The following ERC2 variants were observed in gnomAD, a reference collection of about 807,000 sequenced individuals.
ERC2 encodes the protein ELKS/RAB6-interacting/CAST family member 2, also known as ERC protein 2.
ERC2 carries 42 observed loss-of-function variants against 114.8 expected under a neutral mutation model. The ratio of observed to expected loss-of-function variants is 0.37; its 90% confidence interval spans 0.29 to 0.47. The LOEUF is 0.47. Ranked by LOEUF, ERC2 falls within the 20% of genes least tolerant of loss-of-function variation. ERC2 has a pLI of 0.99. For missense variants in ERC2, 939 were observed against 1,150.7 expected (o/e 0.82, Z 2.66); for synonymous variants, 454 against 425.5 (o/e 1.07, Z -0.82).
intron 17 of ERC2, among the ~76,000 whole-genome samples, chr3:55,563,776 GATAGAC>G (rs1173210994): frequency 6.6e-6 from 1 of 152,044 alleles, no homozygotes; most frequent in African/African-American, 2.4e-5. Context: ...AAGATAGAGA[GATAGAC>G]AGAGACAGAG....
intron 15 of ERC2, among the ~76,000 whole-genome samples, chr3:55,703,524 G>T (rs1049252078): frequency 6.6e-6 from 1 of 152,202 alleles, no homozygotes; most frequent in Admixed American, 6.5e-5. Flanking sequence ...GAACTTATCT[G>T]AACCAATGGT....
intron 16 of ERC2, among the ~76,000 whole-genome samples, chr3:55,684,062 T>C (rs2062200335): frequency 6.6e-6 from 1 of 152,150 alleles, no homozygotes; most frequent in South Asian, 2.1e-4. Context: ...GGGTTTTGTA[T>C]CTATGGCAAC....
At chr3:55,997,594 C>T (rs2071622501) in intron 10 of ERC2, among the ~76,000 whole-genome samples, 1 of 148,684 alleles carries the variant, frequency 6.7e-6, no homozygotes, top group African/African-American at 2.4e-5. Context: ...ATGAAACATA[C>T]ATATTATTGT....
intron 17 of ERC2, among the ~76,000 whole-genome samples, chr3:55,535,319 G>C (rs1232660511): frequency 6.6e-6 from 1 of 152,172 alleles, no homozygotes; most frequent in East Asian, 1.9e-4. Flanking sequence ...CAACTTGCTG[G>C]AATTCCACTG....
chr3:55,720,176 T>C (rs868816093), intron 15 of ERC2, among the ~76,000 whole-genome samples: 1 of 1,944 alleles, frequency 5.1e-4, no homozygotes, highest in African/African-American at 2.4e-3. Context: ...CTTCTTCTTC[T>C]TCTTCTTCTT....
chr3:56,319,132 T>G (rs1576415698), intron 2 of ERC2, among the ~76,000 whole-genome samples: 1 of 152,190 alleles, frequency 6.6e-6, no homozygotes, highest in East Asian at 1.9e-4. Flanking sequence ...ACAATCCTAC[T>G]CTGGGTATTT....
chr3:55,551,207 A>C (rs2107419255), intron 17 of ERC2, among the ~76,000 whole-genome samples: 1 of 151,882 alleles, frequency 6.6e-6, no homozygotes, highest in African/African-American at 2.4e-5. Flanking sequence ...TATATATATT[A>C]TGGAGGGAGA....
chr3:55,667,751 T>G (rs541694606), intron 17 of ERC2, among the ~76,000 whole-genome samples: 1 of 152,352 alleles, frequency 6.6e-6, no homozygotes, highest in South Asian at 2.1e-4. Context: ...ATTAGTTACA[T>G]GTTAAAGAGA....
rs1221873589 is a variant in ERC2 at position 55,892,165 on chromosome 3, ATTC to A, written c.2404-3619_2404-3617del. 2.6e-5 allele frequency among the ~76,000 whole-genome samples: 4 copies of A among 152,354 alleles called. No homozygotes were observed. In the South Asian group the frequency reaches 6.2e-4, roughly 24 times the overall value. Reference sequence around the variant, plus strand: ...AGATGATGTAGCCCATAAGGCATTTATTCTTCTTCTTCTGATATCAAGAAATTA... The same window carrying A: ...AGATGATGTAGCCCATAAGGCATTTATTCTTCTTCTGATATCAAGAAATTA... On this transcript the variant is annotated intron_variant, in intron 13 of 17. Coordinates refer to ENST00000288221, the MANE Select transcript of ERC2 (RefSeq NM_015576.3).
intron 2 of ERC2, among the ~76,000 whole-genome samples, chr3:56,375,414 C>T (rs1373723230): frequency 6.6e-6 from 1 of 152,176 alleles, no homozygotes; most frequent in Admixed American, 6.5e-5. Flanking sequence ...ACACTGGTGG[C>T]TAGAGAAGAG....
intron 2 of ERC2, among the ~76,000 whole-genome samples, chr3:56,402,649 C>A (rs1412280437): frequency 6.6e-6 from 1 of 152,196 alleles, no homozygotes; most frequent in African/African-American, 2.4e-5. Flanking sequence ...CATATGATAG[C>A]TGAAACTTCG....
At chr3:56,130,920 T>A (rs1256259191) in intron 6 of ERC2, among the ~76,000 whole-genome samples, 5 of 152,202 alleles carry the variant, frequency 3.3e-5, no homozygotes, top group South Asian at 4.1e-4. Context: ...AAGCCTGACC[T>A]TGCCTCATTT....
intron 17 of ERC2, among the ~76,000 whole-genome samples, chr3:55,675,766 G>A (rs1213464616): frequency 1.3e-5 from 2 of 151,794 alleles, no homozygotes. Context: ...AATACCTTCT[G>A]GTCTCCCTGA....
chr3:55,766,744 G>A (rs1354318887), intron 14 of ERC2: 2 of 152,248 alleles, frequency 1.3e-5, no homozygotes, highest in Admixed American at 1.3e-4. Flanking sequence ...GGAACACTGA[G>A]ATGCAGTTAT....
chr3:55,988,392 G>C (rs2070799116), intron 11 of ERC2, among the ~76,000 whole-genome samples: 1 of 152,136 alleles, frequency 6.6e-6, no homozygotes, highest in Admixed American at 6.5e-5. Flanking sequence ...ACTGCACGTG[G>C]GACCACACTA....
intron 7 of ERC2, among the ~76,000 whole-genome samples, chr3:56,060,568 C>T (rs1388799879): frequency 1.3e-5 from 2 of 152,212 alleles, no homozygotes; most frequent in African/African-American, 4.8e-5. Context: ...GCCCCATACC[C>T]AACAGGTGCT....
At chr3:55,789,069 A>G (rs2069760402) in intron 14 of ERC2, among the ~76,000 whole-genome samples, 1 of 152,194 alleles carries the variant, frequency 6.6e-6, no homozygotes, top group Non-Finnish European at 1.5e-5. Flanking sequence ...TCAGCATGTT[A>G]GTGAGATTCA....
At chr3:55,754,784 A>G (rs79140864) in intron 14 of ERC2, among the ~76,000 whole-genome samples, 1 of 152,028 alleles carries the variant, frequency 6.6e-6, no homozygotes, top group Non-Finnish European at 1.5e-5. Context: ...TTTCTATCCT[A>G]AACAGCGCAA....
intron 8 of ERC2, among the ~76,000 whole-genome samples, chr3:56,013,607 A>G (rs2073108169): frequency 6.6e-6 from 1 of 152,188 alleles, no homozygotes; most frequent in South Asian, 2.1e-4. Context: ...TGATTAATTA[A>G]TGATGTCTCT....
Sources: gnomAD v4.1 joint callset for allele counts (sites outside exome capture counted in the v4.1 genomes callset) on GRCh38, gnomAD v4.1.1 for gene constraint, MANE v1.5 for transcripts, NCBI Gene and HGNC (gene_info 2026-07-23, HGNC 2026-07-21) for gene names.